The following EXOC4 variants were observed in gnomAD, a reference collection of about 807,000 sequenced individuals.
The protein encoded by EXOC4 is exocyst complex component 4.
Under a neutral mutation model 107.2 loss-of-function variants are expected in EXOC4, and 71 were observed. The observed-to-expected ratio is 0.66, with a 90% CI of 0.55 to 0.81. The LOEUF (loss-of-function observed/expected upper bound fraction) is 0.81. Among genes scored for constraint, EXOC4 ranks in the 30% least tolerant of loss-of-function variants. The pLI is 0.00. For missense variants in EXOC4, 1,108 were observed against 1,189.6 expected (o/e 0.93, Z 1.01); for synonymous variants, 456 against 441.2 (o/e 1.03, Z -0.42).
intron 9 of EXOC4, among the ~76,000 whole-genome samples, chr7:133,570,821 C>G (rs1169821639): frequency 6.6e-6 from 1 of 152,126 alleles, no homozygotes; most frequent in Non-Finnish European, 1.5e-5. Flanking sequence ...CAACATGATG[C>G]CAGTTCTTAG....
chr7:134,020,875 A>G (rs1005219782), intron 17 of EXOC4, among the ~76,000 whole-genome samples: 2 of 152,028 alleles, frequency 1.3e-5, no homozygotes, highest in Non-Finnish European at 2.9e-5. Context: ...AGTCCCAGCT[A>G]CTTGGGAGGC....
chr7:133,470,996 A>T (rs1798861957), intron 7 of EXOC4, among the ~76,000 whole-genome samples: 2 of 152,228 alleles, frequency 1.3e-5, no homozygotes, highest in African/African-American at 4.8e-5. Context: ...AATAAATTAT[A>T]TAGTTATATT....
chr7:133,881,923 G>A (rs1280549317), intron 11 of EXOC4, among the ~76,000 whole-genome samples: 3 of 152,110 alleles, frequency 2.0e-5, no homozygotes, highest in Non-Finnish European at 4.4e-5. Context: ...ACAATGGTTG[G>A]AAATAAATTG....
At chr7:133,382,811 G>T (rs1239103387) in intron 7 of EXOC4, among the ~76,000 whole-genome samples, 2 of 152,218 alleles carry the variant, frequency 1.3e-5, no homozygotes, top group South Asian at 2.1e-4. Context: ...ATCTTTTAAT[G>T]ACTTCAGCAG....
intron 17 of EXOC4, among the ~76,000 whole-genome samples, chr7:134,013,169 A>G (rs1230335467): frequency 1.3e-5 from 2 of 152,240 alleles, no homozygotes; most frequent in African/African-American, 2.4e-5. Context: ...GCTATATGAA[A>G]GGCCAAATTG....
chr7:133,602,843 T>A (rs769055683), intron 9 of EXOC4, among the ~76,000 whole-genome samples: 1 of 152,200 alleles, frequency 6.6e-6, no homozygotes, highest in Non-Finnish European at 1.5e-5. Flanking sequence ...GAATGATCTC[T>A]TTGCATGCCA....
intron 9 of EXOC4, among the ~76,000 whole-genome samples, chr7:133,534,107 T>C (rs527305072): frequency 3.9e-5 from 6 of 151,944 alleles, no homozygotes; most frequent in Admixed American, 2.6e-4. Context: ...GTGTTCCCTG[T>C]ATTTTCATAA....
chr7:133,770,954 T>A (rs1004716938), intron 10 of EXOC4, among the ~76,000 whole-genome samples: 1 of 151,968 alleles, frequency 6.6e-6, no homozygotes, highest in Non-Finnish European at 1.5e-5. Context: ...CCTAAGAGTT[T>A]AGCAGAAGGG....
chr7:133,656,521 T>C (rs10224746), intron 10 of EXOC4, among the ~76,000 whole-genome samples: 238 of 152,256 alleles, frequency 1.6e-3, no homozygotes, highest in African/African-American at 5.5e-3. Context: ...TGAGTGATCC[T>C]ATTAAGGTAA....
chr7:134,016,022 A>G (rs1361233078), intron 17 of EXOC4, among the ~76,000 whole-genome samples: 2 of 151,986 alleles, frequency 1.3e-5, no homozygotes, highest in African/African-American at 4.8e-5. Context: ...AGTGAGGGTA[A>G]AGTGAAGGAG....
chr7:133,914,740 C>T lies in EXOC4; in HGVS notation c.1872-2843C>T, dbSNP rs563259406. 9.4e-4 allele frequency among the ~76,000 whole-genome samples: 143 copies of T among 152,290 alleles called. 1 individual carries two copies. In the South Asian group the frequency reaches 9.7e-3, roughly 10 times the overall value. On this transcript the variant is annotated intron_variant, in intron 12 of 17. Coordinates refer to ENST00000253861, the MANE Select transcript of EXOC4 (RefSeq NM_021807.4). ...ACGTAACAGTGATATCTTGAAAATT[C>T]TGGGCAAATGCAAGATTCCTACAGA...
At chr7:133,393,038 C>T (rs1796887695) in intron 7 of EXOC4, among the ~76,000 whole-genome samples, 1 of 152,072 alleles carries the variant, frequency 6.6e-6, no homozygotes, top group Non-Finnish European at 1.5e-5. Context: ...ATGACTCTGT[C>T]CTTTCCTACA....
At chr7:133,842,752 G>A (rs1383114120) in intron 11 of EXOC4, among the ~76,000 whole-genome samples, 1 of 151,944 alleles carries the variant, frequency 6.6e-6, no homozygotes, top group African/African-American at 2.4e-5. Context: ...TATTTTCCAG[G>A]GTTTTTATAG....
intron 17 of EXOC4, among the ~76,000 whole-genome samples, chr7:134,061,591 A>G (rs994306636): frequency 3.3e-5 from 5 of 152,230 alleles, no homozygotes; most frequent in Non-Finnish European, 7.3e-5. Context: ...TAGCTTTGAA[A>G]GAATCGTGAG....
chr7:133,494,337 GA>G (rs35827766), intron 9 of EXOC4, among the ~76,000 whole-genome samples: 9 of 149,970 alleles, frequency 6.0e-5, no homozygotes, highest in African/African-American at 1.7e-4. Flanking sequence ...AACAAAGTTT[GA>G]AAAAAAAAGG....
intron 14 of EXOC4, among the ~76,000 whole-genome samples, chr7:133,971,260 A>G (rs1334689884): frequency 1.4e-5 from 2 of 139,238 alleles, no homozygotes; most frequent in Non-Finnish European, 3.1e-5. Context: ...AGGGCTTCAG[A>G]GTTGTTGGTT....
At chr7:133,857,865 G>C (rs953515281) in intron 11 of EXOC4, among the ~76,000 whole-genome samples, 5 of 152,188 alleles carry the variant, frequency 3.3e-5, no homozygotes, top group Admixed American at 3.3e-4. Context: ...TCGGCGGATC[G>C]GGCGTGGGGG....
At chr7:133,284,392 G>A (rs1794227794) in intron 2 of EXOC4, among the ~76,000 whole-genome samples, 1 of 152,148 alleles carries the variant, frequency 6.6e-6, no homozygotes, top group African/African-American at 2.4e-5. Flanking sequence ...GGTGATATAA[G>A]TAGGATATCA....
chr7:133,732,983 A>G (rs1027412464), intron 10 of EXOC4: 1 of 161,584 alleles, frequency 6.2e-6, no homozygotes. Flanking sequence ...GATCCATGCC[A>G]TGAAAGTTAG....
Sources: gnomAD v4.1 joint callset for allele counts (sites outside exome capture counted in the v4.1 genomes callset) on GRCh38, gnomAD v4.1.1 for gene constraint, MANE v1.5 for transcripts, NCBI Gene and HGNC (gene_info 2026-07-23, HGNC 2026-07-21) for gene names.